ADAMTSL1: variants seen among roughly 807,000 people sequenced by gnomAD.
ADAMTSL1 encodes the protein ADAMTS-like protein 1.
In ADAMTSL1, 126 loss-of-function variants were observed where a neutral mutation model predicts 201.8. The ratio of observed to expected loss-of-function variants is 0.62; its 90% CI spans 0.54 to 0.72. ADAMTSL1 has a LOEUF of 0.72. ADAMTSL1 is among the 30% of genes least tolerant of loss of function. The pLI is 0.00. For synonymous variants in ADAMTSL1, 1,121 were observed against 903.4 expected (o/e 1.24, Z -4.32); for missense variants, 2,679 against 2,277.8 (o/e 1.18, Z -3.59).
chr9:18,200,586 C>T (rs945679554), intron 2 of ADAMTSL1, among the ~76,000 whole-genome samples: 1 of 151,912 alleles, frequency 6.6e-6, no homozygotes, highest in Admixed American at 6.6e-5. Flanking sequence ...CATCCTTTGA[C>T]TTTGAATGGC....
At chr9:18,274,120 A>G (rs1475022640) in intron 2 of ADAMTSL1, among the ~76,000 whole-genome samples, 2 of 152,246 alleles carry the variant, frequency 1.3e-5, no homozygotes, top group Non-Finnish European at 2.9e-5. Flanking sequence ...TCTCACTTGT[A>G]TTGCAAAAGC....
At chr9:18,400,942 C>G (rs1478304104) in intron 2 of ADAMTSL1, among the ~76,000 whole-genome samples, 1 of 152,032 alleles carries the variant, frequency 6.6e-6, no homozygotes, top group Non-Finnish European at 1.5e-5. Context: ...ATAAATACAC[C>G]TCACTAAGTC....
chr9:18,081,075 A>G (rs932721339), intron 1 of ADAMTSL1, among the ~76,000 whole-genome samples: 3 of 152,204 alleles, frequency 2.0e-5, no homozygotes, highest in East Asian at 1.9e-4. Flanking sequence ...TGAACTGATC[A>G]TTCTTCTGGA....
chr9:18,664,768 T>C (rs1215385097), intron 9 of ADAMTSL1, among the ~76,000 whole-genome samples: 3 of 152,112 alleles, frequency 2.0e-5, no homozygotes, highest in African/African-American at 7.2e-5. Flanking sequence ...TATAACCTTA[T>C]ATTTATTACT....
chr9:18,452,305 G>A (rs1468753273), intron 2 of ADAMTSL1, among the ~76,000 whole-genome samples: 2 of 152,150 alleles, frequency 1.3e-5, no homozygotes, highest in African/African-American at 4.8e-5. Flanking sequence ...GAACCTTCAT[G>A]ACCTAATCAC....
At chr9:18,404,945 C>T (rs189395506) in intron 2 of ADAMTSL1, among the ~76,000 whole-genome samples, 2 of 152,142 alleles carry the variant, frequency 1.3e-5, no homozygotes, top group African/African-American at 4.8e-5. Context: ...CTCTGTCTCT[C>T]CCTTTGCCCC....
At chr9:18,400,543 T>C (rs559627346) in intron 2 of ADAMTSL1, among the ~76,000 whole-genome samples, 11 of 152,340 alleles carry the variant, frequency 7.2e-5, no homozygotes, top group African/African-American at 2.6e-4. Flanking sequence ...GGAAATCAAG[T>C]AAATTTTATT....
At chr9:17,935,506 C>T (rs1826967941) in intron 1 of ADAMTSL1, among the ~76,000 whole-genome samples, 1 of 152,156 alleles carries the variant, frequency 6.6e-6, no homozygotes, top group Admixed American at 6.5e-5. Flanking sequence ...AGGCCTCTTA[C>T]CATGGCTAAA....
chr9:17,959,797 C>T (rs116857002), intron 1 of ADAMTSL1, among the ~76,000 whole-genome samples: 1 of 152,120 alleles, frequency 6.6e-6, no homozygotes, highest in East Asian at 1.9e-4. Flanking sequence ...TTTCTTCTAC[C>T]CTGACCCCTG....
At chr9:18,506,619 G>C (rs1188392111) in intron 2 of ADAMTSL1, among the ~76,000 whole-genome samples, 1 of 152,068 alleles carries the variant, frequency 6.6e-6, no homozygotes, top group Non-Finnish European at 1.5e-5. Flanking sequence ...TTGCCACCTA[G>C]TAAGTTAAAG....
intron 23 of ADAMTSL1, among the ~76,000 whole-genome samples, chr9:18,843,407 G>A (rs1456772156): frequency 3.3e-5 from 5 of 151,106 alleles, no homozygotes; most frequent in East Asian, 3.9e-4. Context: ...GAGATCCGCT[G>A]TTAGTCTGAT....
At chr9:18,034,012 A>G (rs947240275) in intron 1 of ADAMTSL1, among the ~76,000 whole-genome samples, 1 of 152,180 alleles carries the variant, frequency 6.6e-6, no homozygotes, top group Non-Finnish European at 1.5e-5. Context: ...GAGGGTAGAA[A>G]TCAAAGTCAG....
intron 9 of ADAMTSL1, among the ~76,000 whole-genome samples, chr9:18,666,433 G>A (rs1829436987): frequency 6.6e-6 from 1 of 152,146 alleles, no homozygotes; most frequent in South Asian, 2.1e-4. Context: ...TGTATTACAT[G>A]TTCTACTGGT....
chr9:17,923,146 A>T (rs1414977871), intron 1 of ADAMTSL1, among the ~76,000 whole-genome samples: 1 of 151,680 alleles, frequency 6.6e-6, no homozygotes, highest in African/African-American at 2.4e-5. Context: ...TTCCATATGA[A>T]CTTTAAAGTA....
intron 2 of ADAMTSL1, among the ~76,000 whole-genome samples, chr9:18,223,635 C>G (rs766302458): frequency 6.6e-6 from 1 of 152,034 alleles, no homozygotes; most frequent in Non-Finnish European, 1.5e-5. Context: ...CTAATAATAT[C>G]TTACTACTTC....
chr9:18,289,885 G>A (rs1833182158), intron 2 of ADAMTSL1, among the ~76,000 whole-genome samples: 1 of 152,140 alleles, frequency 6.6e-6, no homozygotes, highest in African/African-American at 2.4e-5. Flanking sequence ...AAAACAACAT[G>A]AAAACAAATA....
At chr9:18,179,365 A>G (rs1381216374) in intron 2 of ADAMTSL1, among the ~76,000 whole-genome samples, 1 of 152,210 alleles carries the variant, frequency 6.6e-6, no homozygotes, top group Non-Finnish European at 1.5e-5. Context: ...TCCAAGAAAT[A>G]TGGGACTACG....
intron 14 of ADAMTSL1, among the ~76,000 whole-genome samples, chr9:18,714,282 AAC>A: frequency 6.6e-6 from 1 of 151,492 alleles, no homozygotes; most frequent in East Asian, 1.9e-4. Context: ...AGACACAAAA[AAC>A]CCTTCAAAAA....
At chr9:18,844,977 C>T (rs1825999502) in intron 23 of ADAMTSL1, among the ~76,000 whole-genome samples, 1 of 152,364 alleles carries the variant, frequency 6.6e-6, no homozygotes, top group African/African-American at 2.4e-5. Context: ...AACTCCCTGA[C>T]CCCTTGCGCT....
Sources: gnomAD v4.1 joint callset for allele counts (sites outside exome capture counted in the v4.1 genomes callset) on GRCh38, gnomAD v4.1.1 for gene constraint, MANE v1.5 for transcripts, NCBI Gene and HGNC (gene_info 2026-07-23, HGNC 2026-07-21) for gene names.